RNASE10: variants seen among roughly 807,000 people sequenced by gnomAD.
The protein encoded by RNASE10 is inactive ribonuclease-like protein 10.
Under a neutral mutation model 1.1 loss-of-function variants are expected in RNASE10, and 2 were observed. That is an observed-to-expected ratio of 1.82 (90% CI 0.74 to 5.73). RNASE10 has a LOEUF of 5.73. Among genes scored for constraint, RNASE10 ranks in the 30% most tolerant of loss-of-function variants. The pLI, the probability that RNASE10 is intolerant of heterozygous loss-of-function variation, is 0.05. For missense variants in RNASE10, 276 were observed against 263.4 expected (o/e 1.05, Z -0.33); for synonymous variants, 97 against 96.2 (o/e 1.01, Z -0.05).
At chr14:20,504,344 A>G (rs1158259561), upstream of RNASE10, among the ~76,000 whole-genome samples, 2 of 152,220 alleles carry the variant, frequency 1.3e-5, no homozygotes, top group East Asian at 3.8e-4. Context: ...CTGCTTATGC[A>G]TGTACGTAAG....
downstream of RNASE10, among the ~76,000 whole-genome samples, chr14:20,512,213 A>G (rs929900355): frequency 6.6e-6 from 1 of 152,216 alleles, no homozygotes; most frequent in African/African-American, 2.4e-5. Flanking sequence ...GCTCTAAAGA[A>G]CAAGAAAGTT....
chr14:20,507,599 A>G, intron 1 of RNASE10, among the ~76,000 whole-genome samples: 1 of 133,280 alleles, frequency 7.5e-6, no homozygotes, highest in East Asian at 1.9e-4. Context: ...GAAACACCCA[A>G]GAATGATCAA....
intron 1 of RNASE10, 100 bp from the exon 2 acceptor site, chr14:20,510,367 C>A (rs989154450): frequency 6.7e-7 from 1 of 1,501,436 alleles, no homozygotes; most frequent in East Asian, 2.3e-5. Flanking sequence ...ACACAGGAGA[C>A]CCCAGATACA....
chr14:20,506,566 G>C (rs1292733162), intron 1 of RNASE10, among the ~76,000 whole-genome samples: 1 of 110,508 alleles, frequency 9.0e-6, no homozygotes, highest in Non-Finnish European at 1.9e-5. Flanking sequence ...GCCCCTACTG[G>C]GAAGTGAGGA....
In RNASE10 at chr14:20,506,333, C is replaced by T. The variant is rs1175918500; in HGVS notation, c.79+314C>T. Among the ~76,000 whole-genome samples the T allele has an allele frequency of 4.0e-5, 5 of 125,310 alleles. No homozygotes were observed. In the East Asian group the frequency reaches 9.5e-4, roughly 24 times the overall value. The allele number at this position is 125,310 out of a possible 152,430, so 82.2% of individuals were successfully genotyped here. On this transcript the variant is annotated intron_variant, in intron 1 of 1. Coordinates refer to ENST00000430083, the Ensembl canonical transcript of RNASE10. ...AGGTGGGGGGGGTCAGCCCCCCGCCCGGCCAGCCGCCCAGTCCGGGAGGTG... is the reference window on the plus strand; with the variant it reads ...AGGTGGGGGGGGTCAGCCCCCCGCCTGGCCAGCCGCCCAGTCCGGGAGGTG...
Position 20,510,540 on chromosome 14 carries a change from G to A in RNASE10, c.153G>A (p.Leu51=), listed in dbSNP as rs145236127. ...TGCTGCTGGGCCTGGGGATGGGCCT[G>A]GGGTTGGGACTTCATATGGCTACAG... is the stretch of plus-strand genomic sequence containing the variant. The change falls in exon 2 of 2, where the codon CTG becomes CTA. Residue 51 remains leucine, a synonymous_variant. Transcript: ENST00000430083. The A allele has an allele frequency of 6.9e-5, 112 of 1,614,168 alleles. No individual in the cohort carries two copies. The East Asian group carries it at 2.5e-3, about 35-fold the overall frequency.
At chr14:20,510,234 GA>G (rs1323504397) in intron 1 of RNASE10, 2 of 205,276 alleles carry the variant, frequency 9.7e-6, no homozygotes, top group East Asian at 3.7e-4. Context: ...TTCAAGAGAA[GA>G]AACATGAGGA....
At chr14:20,506,981 A>G (rs1882752671) in intron 1 of RNASE10, among the ~76,000 whole-genome samples, 1 of 131,070 alleles carries the variant, frequency 7.6e-6, no homozygotes, top group African/African-American at 3.1e-5. Context: ...CCCGTCCGGG[A>G]GGGAGGTGGT....
At chr14:20,506,934 G>C (rs547463631) in intron 1 of RNASE10, among the ~76,000 whole-genome samples, 1 of 140,148 alleles carries the variant, frequency 7.1e-6, no homozygotes, top group Non-Finnish European at 1.5e-5. Flanking sequence ...CGTCCGGGAG[G>C]GGGGAGGGGG....
At chr14:20,509,893 G>A (rs547199400) in intron 1 of RNASE10, among the ~76,000 whole-genome samples, 391 of 150,148 alleles carry the variant, frequency 2.6e-3, no homozygotes, top group Middle Eastern at 0.01. Context: ...GGCCAAAGTG[G>A]GATGATTAAT....
chr14:20,511,138 T>G, exon 2 of RNASE10: 1 of 1,464,102 alleles, frequency 6.8e-7, no homozygotes. Flanking sequence ...CTCATCATCT[T>G]TTTTCTCTTC....
intron 1 of RNASE10, 110 bp from the exon 2 acceptor site, chr14:20,510,357 A>G: frequency 1.4e-6 from 2 of 1,480,102 alleles, no homozygotes; most frequent in South Asian, 2.7e-5. Context: ...TGTGCAGAAG[A>G]CACAGGAGAC....
At chr14:20,507,533 TC>T (rs1411860189) in intron 1 of RNASE10, among the ~76,000 whole-genome samples, 2 of 139,712 alleles carry the variant, frequency 1.4e-5, no homozygotes, top group Non-Finnish European at 3.1e-5. Context: ...CACTTGTTTA[TC>T]TGCTGACCTT....
At chr14:20,506,874 C>T (rs1255110878) in intron 1 of RNASE10, among the ~76,000 whole-genome samples, 1 of 130,804 alleles carries the variant, frequency 7.6e-6, no homozygotes, top group African/African-American at 3.1e-5. Context: ...CGCCTCTGCC[C>T]GGCCGCCCCT....
chr14:20,506,507 G>T (rs1422026849), intron 1 of RNASE10, among the ~76,000 whole-genome samples: 2 of 123,326 alleles, frequency 1.6e-5, no homozygotes. Context: ...TCAGCCCCCC[G>T]CCCGGCCAGC....
upstream of RNASE10, among the ~76,000 whole-genome samples, chr14:20,505,095 A>C (rs903098620): frequency 6.6e-6 from 1 of 151,902 alleles, no homozygotes; most frequent in African/African-American, 2.4e-5. Context: ...TCTACAAGTT[A>C]TGGTGCTGGA....
intron 1 of RNASE10, among the ~76,000 whole-genome samples, chr14:20,507,445 T>A (rs1447584404): frequency 7.5e-6 from 1 of 133,948 alleles, no homozygotes; most frequent in Non-Finnish European, 1.6e-5. Flanking sequence ...CACCACTCCC[T>A]AATCTTAAGT....
intron 1 of RNASE10, among the ~76,000 whole-genome samples, chr14:20,506,939 A>AG (rs1225752616): frequency 3.1e-4 from 22 of 70,846 alleles, no homozygotes; most frequent in Non-Finnish European, 4.4e-4. Flanking sequence ...GGGAGGGGGG[A>AG]GGGGGGGTCA....
intron 1 of RNASE10, among the ~76,000 whole-genome samples, chr14:20,508,244 T>C (rs1882803855): frequency 6.6e-6 from 1 of 152,204 alleles, no homozygotes; most frequent in African/African-American, 2.4e-5. Flanking sequence ...TTACATTCAG[T>C]ATATCAAATA....
Sources: allele counts gnomAD v4.1 joint callset (sites outside exome capture counted in the v4.1 genomes callset), GRCh38; gene constraint gnomAD v4.1.1; transcripts MANE v1.5; gene names NCBI Gene and HGNC (gene_info 2026-07-23, HGNC 2026-07-21).